MBNL2: variants seen among roughly 807,000 people sequenced by gnomAD.
MBNL2 encodes muscleblind-like protein 2.
In MBNL2, 17 loss-of-function variants were observed where a neutral mutation model predicts 41.9. The ratio of observed to expected loss-of-function variants is 0.41; its 90% CI spans 0.28 to 0.61. MBNL2 has a LOEUF of 0.61. Among genes scored for constraint, MBNL2 ranks in the 20% least tolerant of loss-of-function variants. The pLI, the probability that MBNL2 is intolerant of heterozygous loss-of-function variation, is 0.35. For missense variants in MBNL2, 336 were observed against 505.6 expected, an observed-to-expected ratio of 0.66 and a Z score of 3.22; for synonymous variants, 195 against 182.9, an observed-to-expected ratio of 1.07 and a Z score of -0.53.
At chr13:97,203,873 A>AATGG in the MBNL2 span, among the ~76,000 whole-genome samples, 3,505 of 149,558 alleles carry the variant, frequency 0.023, 59 homozygotes, top group East Asian at 0.046. Context: ...ATGATAAGTG[A>AATGG]ATGGATGGAT....
intron 5 of MBNL2, among the ~76,000 whole-genome samples, chr13:97,356,572 A>C (rs1471306468): frequency 6.6e-6 from 1 of 152,182 alleles, no homozygotes; most frequent in Non-Finnish European, 1.5e-5. Context: ...TTCAATACTA[A>C]TTTAAGGTGT....
the MBNL2 span, among the ~76,000 whole-genome samples, chr13:97,205,807 T>C: frequency 6.6e-6 from 1 of 152,220 alleles, no homozygotes; most frequent in Non-Finnish European, 1.5e-5. Context: ...CTCTGTGTTA[T>C]CAAAATATAT....
At chr13:97,350,554 C>T (rs1360200975) in intron 5 of MBNL2, among the ~76,000 whole-genome samples, 2 of 152,214 alleles carry the variant, frequency 1.3e-5, no homozygotes, top group Non-Finnish European at 2.9e-5. Flanking sequence ...AACCCTGCTG[C>T]TACTTTATCA....
intron 2 of MBNL2, among the ~76,000 whole-genome samples, chr13:97,283,324 C>G (rs1180374298): frequency 6.6e-6 from 1 of 152,124 alleles, no homozygotes; most frequent in Non-Finnish European, 1.5e-5. Flanking sequence ...CCCTTGCTTG[C>G]CACCACCATG....
intron 1 of MBNL2, among the ~76,000 whole-genome samples, chr13:97,271,051 A>G (rs1230730845): frequency 6.6e-6 from 1 of 152,024 alleles, no homozygotes; most frequent in Non-Finnish European, 1.5e-5. Flanking sequence ...TCCTTCTGAA[A>G]CATCTTTGCT....
chr13:97,357,743 A>C (rs2063104856), intron 7 of MBNL2, 108 bp downstream of exon 7: 1 of 1,043,790 alleles, frequency 9.6e-7, no homozygotes, highest in Non-Finnish European at 1.5e-6. Context: ...GGTATAATAC[A>C]GTTTGAAATT....
chr13:97,339,106 GT>G (rs138448856), intron 3 of MBNL2, among the ~76,000 whole-genome samples: 3 of 87,250 alleles, frequency 3.4e-5, no homozygotes, highest in Non-Finnish European at 5.2e-5. Context: ...GTGCTAGTGT[GT>G]ATATGAGTGT....
chr13:97,172,632 T>G, the MBNL2 span: 1 of 152,162 alleles, frequency 6.6e-6, no homozygotes, highest in Non-Finnish European at 1.5e-5. Context: ...TTTTATCAAA[T>G]TGGTCGTAGC....
chr13:97,269,980 T>C (rs963375849), intron 1 of MBNL2, among the ~76,000 whole-genome samples: 5 of 152,240 alleles, frequency 3.3e-5, no homozygotes, highest in African/African-American at 7.2e-5. Context: ...TCCACTATAA[T>C]CTGTCTTTCA....
chr13:97,207,271 C>T, the MBNL2 span, among the ~76,000 whole-genome samples: 1 of 152,190 alleles, frequency 6.6e-6, no homozygotes, highest in African/African-American at 2.4e-5. Context: ...TGCAGATTTG[C>T]ATTTCCCAAT....
chr13:97,156,338 T>G, the MBNL2 span, among the ~76,000 whole-genome samples: 2 of 146,516 alleles, frequency 1.4e-5, no homozygotes, highest in South Asian at 2.3e-4. Context: ...TTTCTCCCAT[T>G]TTGTAGGTTG....
chr13:97,160,681 G>A, the MBNL2 span, among the ~76,000 whole-genome samples: 3 of 152,090 alleles, frequency 2.0e-5, no homozygotes, highest in Admixed American at 1.3e-4. Flanking sequence ...ATATTTATTG[G>A]CATTGGCTTT....
intron 2 of MBNL2, among the ~76,000 whole-genome samples, chr13:97,282,996 C>A (rs996626130): frequency 6.6e-6 from 1 of 152,188 alleles, no homozygotes; most frequent in African/African-American, 2.4e-5. Flanking sequence ...ATCTCCAGAC[C>A]AAAACCTTCC....
chr13:97,168,343 T>C, the MBNL2 span, among the ~76,000 whole-genome samples: 29 of 152,320 alleles, frequency 1.9e-4, no homozygotes, highest in Admixed American at 1.2e-3. Flanking sequence ...ATCTAATTAA[T>C]TCCTAAATTA....
chr13:97,357,304 G>A (rs976972254), intron 6 of MBNL2, among the ~76,000 whole-genome samples, 178 bp from the exon 7 acceptor site: 4 of 151,898 alleles, frequency 2.6e-5, no homozygotes, highest in Admixed American at 6.6e-5. Context: ...TCATGCTTTC[G>A]CTCTCAATAA....
rs573848642 is a variant in MBNL2 at position 97,373,554 on chromosome 13, C to G, written c.1048+8383C>G. ...CTTGGCAGTTTGAGGCTGAATTCCA[C>G]TGTATGCATGGCTAAGGATAGCACA... On this transcript the variant is annotated intron_variant, in intron 8 of 8. Coordinates refer to ENST00000679496, the MANE Select transcript of MBNL2 (RefSeq NM_001382683.1). Among the ~76,000 whole-genome samples, 5 of 151,028 alleles carry G rather than the reference C, an allele frequency of 3.3e-5. No homozygotes were observed. In the South Asian group the frequency reaches 1.0e-3, roughly 32 times the overall value.
chr13:97,218,440 C>CAAAACAAAACAA (rs55815508), upstream of MBNL2, among the ~76,000 whole-genome samples: 47 of 117,964 alleles, frequency 4.0e-4, no homozygotes, highest in African/African-American at 1.4e-3. Context: ...CAAAACAAAA[C>CAAAACAAAACAA]AAAAAAAAAA....
intron 3 of MBNL2, among the ~76,000 whole-genome samples, chr13:97,340,893 G>A (rs903758324): frequency 6.6e-5 from 10 of 152,156 alleles, no homozygotes; most frequent in Admixed American, 6.5e-4. Context: ...ATCCAAAATG[G>A]TTTTGGGAAA....
chr13:97,241,066 C>G (rs1016000581), intron 1 of MBNL2, among the ~76,000 whole-genome samples: 1 of 152,200 alleles, frequency 6.6e-6, no homozygotes, highest in African/African-American at 2.4e-5. Flanking sequence ...CCGTTCCATT[C>G]TAGCCCTCTG....
Sources: allele counts gnomAD v4.1 joint callset (sites outside exome capture counted in the v4.1 genomes callset), GRCh38; gene constraint gnomAD v4.1.1; transcripts MANE v1.5; gene names NCBI Gene and HGNC (gene_info 2026-07-23, HGNC 2026-07-21).